The following LRRC28 variants were observed in gnomAD, a reference collection of about 807,000 sequenced individuals.
LRRC28 encodes leucine rich repeat containing 28.
In LRRC28, 39 loss-of-function variants were observed where a neutral mutation model predicts 45.7. The ratio of observed to expected loss-of-function variants is 0.85; its 90% CI spans 0.66 to 1.12. The LOEUF (loss-of-function observed/expected upper bound fraction) is 1.12, where lower values mean the gene tolerates loss of function less well. Among genes scored for constraint, LRRC28 ranks in the 50% most tolerant of loss-of-function variants. The pLI, the probability that LRRC28 is intolerant of heterozygous loss-of-function variation, is 0.00. For missense variants in LRRC28, 435 were observed against 438.5 expected, an observed-to-expected ratio of 0.99 and a Z score of 0.07; for synonymous variants, 206 against 178.8, an observed-to-expected ratio of 1.15 and a Z score of -1.22.
intron 1 of LRRC28, among the ~76,000 whole-genome samples, chr15:99,255,574 T>A (rs2080992760): frequency 6.6e-6 from 1 of 152,122 alleles, no homozygotes; most frequent in Non-Finnish European, 1.5e-5. Flanking sequence ...TTTAAGCTTC[T>A]CCTTTGGTTG....
chr15:99,332,246 G>A (rs569324918), intron 5 of LRRC28, among the ~76,000 whole-genome samples: 91 of 152,102 alleles, frequency 6.0e-4, no homozygotes, highest in Non-Finnish European at 1.2e-3. Context: ...GGAGCCAAGC[G>A]TGAAATTGAC....
chr15:99,301,847 TG>T (rs1954981386), intron 5 of LRRC28, among the ~76,000 whole-genome samples: 1 of 152,182 alleles, frequency 6.6e-6, no homozygotes, highest in Non-Finnish European at 1.5e-5. Context: ...TGATATATAA[TG>T]GTATGACAAG....
chr15:99,260,154 G>A (rs1443382200), intron 2 of LRRC28: 7 of 273,684 alleles, frequency 2.6e-5, no homozygotes, highest in South Asian at 1.7e-4. Flanking sequence ...GGGATTATGG[G>A]TTACAAGAAG....
At chr15:99,289,704 C>T (rs557616839) in intron 5 of LRRC28, among the ~76,000 whole-genome samples, 26 of 147,438 alleles carry the variant, frequency 1.8e-4, no homozygotes, top group Middle Eastern at 3.8e-3. Flanking sequence ...GAGGCCGAGG[C>T]GGGTGGATCA....
chr15:99,263,113 C>T (rs1348217495), intron 2 of LRRC28, among the ~76,000 whole-genome samples: 1 of 148,060 alleles, frequency 6.8e-6, no homozygotes. Context: ...AGTTCAAGAC[C>T]AGCCTGGGCA....
chr15:99,284,429 G>GT (rs2081900409), intron 3 of LRRC28, among the ~76,000 whole-genome samples: 3 of 152,108 alleles, frequency 2.0e-5, no homozygotes, highest in Admixed American at 2.0e-4. Flanking sequence ...AAATAATACA[G>GT]TTATTCACAA....
At chr15:99,288,871 G>T (rs889767876) in intron 5 of LRRC28, among the ~76,000 whole-genome samples, 12 of 151,742 alleles carry the variant, frequency 7.9e-5, no homozygotes, top group African/African-American at 2.9e-4. Context: ...GTAGAGACAG[G>T]GTTTTGCCAT....
intron 1 of LRRC28, among the ~76,000 whole-genome samples, chr15:99,252,429 C>A (rs1419137258): frequency 6.6e-6 from 1 of 152,158 alleles, no homozygotes; most frequent in Non-Finnish European, 1.5e-5. Flanking sequence ...CCAATCCCAG[C>A]CAGAACATTC....
At chr15:99,276,041 A>G (rs932354236) in intron 2 of LRRC28, among the ~76,000 whole-genome samples, 3 of 151,904 alleles carry the variant, frequency 2.0e-5, no homozygotes, top group South Asian at 4.2e-4. Context: ...CACAAACCCT[A>G]TTGTGAACTG....
intron 5 of LRRC28, among the ~76,000 whole-genome samples, chr15:99,327,234 C>T (rs1484768086): frequency 1.4e-4 from 22 of 151,964 alleles, no homozygotes; most frequent in Admixed American, 1.4e-3. Flanking sequence ...ACCACCACAC[C>T]CAGCTAGTTT....
chr15:99,263,601 A>G (rs2081257980), intron 2 of LRRC28, among the ~76,000 whole-genome samples: 1 of 152,234 alleles, frequency 6.6e-6, no homozygotes, highest in Non-Finnish European at 1.5e-5. Flanking sequence ...AGAGCTTTCA[A>G]GAGCAGGAAC....
chr15:99,260,551 T>A (rs529007866), intron 2 of LRRC28, among the ~76,000 whole-genome samples: 1 of 152,216 alleles, frequency 6.6e-6, no homozygotes, highest in Non-Finnish European at 1.5e-5. Context: ...TGTACAGATA[T>A]GAGGGGATGG....
intron 7 of LRRC28, among the ~76,000 whole-genome samples, chr15:99,353,374 G>A (rs563981712): frequency 2.0e-5 from 3 of 152,310 alleles, no homozygotes; most frequent in South Asian, 2.1e-4. Context: ...CATTCCCCCC[G>A]TTGGTATAGC....
rs779348807 is a variant in LRRC28, at chr15:99,333,930, C to T, written c.393C>T (p.Gly131=). 8 of 1,613,822 alleles carry T rather than the reference C, an allele frequency of 5.0e-6. No homozygotes were observed. The highest frequency in any genetic ancestry group is 1.7e-5 in the Admixed American group (1 of 59,942). The change falls in exon 6 of 10, where the codon GGC becomes GGT. Residue 131 remains glycine, a synonymous_variant. Transcript: ENST00000301981. ...NQLQFLPPEV[G]DLKELQTLDI... is the part of the protein sequence containing the mutation. Reference sequence around the variant, plus strand: ...TTTTGATTTTGGTTGTAGAGGTTGGCGATTTGAAGGAGCTGCAGACACTAG... The same window carrying T: ...TTTTGATTTTGGTTGTAGAGGTTGGTGATTTGAAGGAGCTGCAGACACTAG...
chr15:99,335,705 C>A (rs1447668949), intron 6 of LRRC28, among the ~76,000 whole-genome samples: 5 of 152,052 alleles, frequency 3.3e-5, no homozygotes, highest in Non-Finnish European at 5.9e-5. Flanking sequence ...TTCACCCCCT[C>A]TCCTTGTGGT....
chr15:99,355,847 A>G (rs1280686898), intron 7 of LRRC28: 1 of 152,192 alleles, frequency 6.6e-6, no homozygotes. Flanking sequence ...TGGTTTATTA[A>G]TATAACCACT....
At chr15:99,261,023 T>G (rs917334296) in intron 2 of LRRC28, among the ~76,000 whole-genome samples, 1 of 152,196 alleles carries the variant, frequency 6.6e-6, no homozygotes, top group Admixed American at 6.5e-5. Context: ...ATGTTAGGCC[T>G]GTTGCTGAGA....
chr15:99,266,857 C>T (rs1472409707), intron 2 of LRRC28, among the ~76,000 whole-genome samples: 1 of 152,120 alleles, frequency 6.6e-6, no homozygotes, highest in Non-Finnish European at 1.5e-5. Flanking sequence ...GTGATGTAGG[C>T]ACTATTATGA....
chr15:99,333,826 A>T, intron 5 of LRRC28, 97 bp from the exon 6 acceptor site: 1 of 1,237,286 alleles, frequency 8.1e-7, no homozygotes, highest in Non-Finnish European at 1.2e-6. Flanking sequence ...AGTCGCAGCT[A>T]CTGATTTCAT....
Sources: allele counts gnomAD v4.1 joint callset (sites outside exome capture counted in the v4.1 genomes callset), GRCh38; gene constraint gnomAD v4.1.1; transcripts MANE v1.5; gene names NCBI Gene and HGNC (gene_info 2026-07-23, HGNC 2026-07-21).